The following CPLANE1 variants were observed in gnomAD, a reference collection of about 807,000 sequenced individuals.
The protein encoded by CPLANE1 is ciliogenesis and planar polarity effector 1.
A neutral mutation model predicts 362.5 loss-of-function variants in CPLANE1; 263 were observed. The observed-to-expected ratio is 0.73, with a 90% CI of 0.66 to 0.80. CPLANE1 has a LOEUF of 0.80. Among genes scored for constraint, CPLANE1 ranks in the 30% least tolerant of loss-of-function variants. CPLANE1 has a pLI of 0.00. For missense variants in CPLANE1, 3,461 were observed against 3,793.4 expected, an observed-to-expected ratio of 0.91 and a Z score of 2.30; for synonymous variants, 1,212 against 1,302.6, an observed-to-expected ratio of 0.93 and a Z score of 1.50.
chr5:37,084,206 C>CT, the CPLANE1 span, among the ~76,000 whole-genome samples: 1 of 152,182 alleles, frequency 6.6e-6, no homozygotes, highest in Non-Finnish European at 1.5e-5. Context: ...GAAAGATAGT[C>CT]TTTTCCATAC....
In CPLANE1 at chr5:37,187,488, G is replaced by A. The variant is rs367543061; in HGVS notation, c.4006C>T (p.Arg1336Trp). ...ATAAGTTCTTCCATATTAAAAAACC[G>A]AGAGAAAGGCAGCATTCTATAAGCC... Reference protein sequence around the residue: ...EWAYRMLPFSRFFNMEELIQD... With the variant: ...EWAYRMLPFSWFFNMEELIQD... The change falls in exon 23 of 53, where the codon CGG (arginine) becomes TGG (tryptophan). Residue 1336 changes from arginine (R) to tryptophan (W), a missense_variant. Physicochemically the swap from Arg to Trp is moderately radical, Grantham distance 101 (BLOSUM62 -3). This residue lies in a region of CPLANE1 where 3,380 missense variants were observed against 3,666.1 expected (regional missense o/e 0.92). Transcript: ENST00000651892. 1.9e-5 allele frequency: 31 copies of A among 1,613,324 alleles called. No homozygotes were observed. Among genetic ancestry groups the A allele is most frequent in the East Asian group, 2.2e-5 (1 of 44,856 alleles).
intron 35 of CPLANE1, among the ~76,000 whole-genome samples, chr5:37,166,622 T>G (rs542728336): frequency 6.6e-6 from 1 of 152,216 alleles, no homozygotes; most frequent in Non-Finnish European, 1.5e-5. Flanking sequence ...ATCATTGGCA[T>G]GCATATATAG....
intron 15 of CPLANE1, among the ~76,000 whole-genome samples, chr5:37,215,883 G>A (rs1314080552): frequency 6.6e-6 from 1 of 151,506 alleles, no homozygotes; most frequent in African/African-American, 2.4e-5. Context: ...CCAAGCTAGA[G>A]TGCAGTGGCA....
At chr5:37,094,798 T>C in the CPLANE1 span, among the ~76,000 whole-genome samples, 1 of 152,186 alleles carries the variant, frequency 6.6e-6, no homozygotes, top group Non-Finnish European at 1.5e-5. Flanking sequence ...AAGGCTACTA[T>C]GAACACTTTT....
chr5:37,079,161 C>T, the CPLANE1 span, among the ~76,000 whole-genome samples: 2 of 152,080 alleles, frequency 1.3e-5, no homozygotes, highest in Non-Finnish European at 2.9e-5. Context: ...CCTAGATTTT[C>T]TTCTAGGGAT....
intron 21 of CPLANE1, among the ~76,000 whole-genome samples, chr5:37,194,585 G>A (rs188956281): frequency 5.0e-4 from 76 of 151,972 alleles, no homozygotes; most frequent in Admixed American, 1.2e-3. Context: ...ATGCCGTTTC[G>A]GTTGGAAAAA....
intron 37 of CPLANE1, among the ~76,000 whole-genome samples, chr5:37,163,895 T>C (rs1200053917): frequency 6.6e-6 from 1 of 152,170 alleles, no homozygotes; most frequent in Non-Finnish European, 1.5e-5. Flanking sequence ...AGTGATTTAA[T>C]CAATTATACC....
intron 45 of CPLANE1, among the ~76,000 whole-genome samples, 166 bp downstream of exon 45, chr5:37,139,174 T>C (rs1475938483): frequency 6.6e-6 from 1 of 152,144 alleles, no homozygotes; most frequent in East Asian, 1.9e-4. Context: ...GTAAGAGATA[T>C]AACAATCCTC....
chr5:37,108,213 AAAACAAACAAAC>A lies in CPLANE1; in HGVS notation c.9579+68_9579+79del, dbSNP rs576771478. ...CCACATCCCACAAAAAACAAACTAA[AAAACAAACAAAC>A]AAACAAACAAAAAACCTGAAGAACA... On this transcript the variant is annotated intron_variant, in intron 52 of 52. Coordinates refer to ENST00000651892, the MANE Select transcript of CPLANE1 (RefSeq NM_001384732.1). The A allele has an allele frequency of 1.5e-5, 21 of 1,381,490 alleles. No homozygotes were observed. In the Admixed American group the frequency reaches 3.6e-4, roughly 24 times the overall value. 85.6% of individuals were successfully genotyped at this position (1,381,490 alleles called of 1,614,324 possible). A position where few individuals can be genotyped will look rare whatever the true frequency, so the allele number is the denominator to read the frequency against.
Position 37,170,309 on chromosome 5 carries a change from C to T in CPLANE1, c.6194G>A (p.Ser2065Asn), listed in dbSNP as rs754264613. ...GGATGATCCTACTATTTGCATTAGGCTCATGAAGTTGATCTGTTGCAGCTT... is the reference window on the plus strand; with the variant it reads ...GGATGATCCTACTATTTGCATTAGGTTCATGAAGTTGATCTGTTGCAGCTT... ...LVQLQQINFMSLMQIVGSSFA... is the reference protein window; with the variant it reads ...LVQLQQINFMNLMQIVGSSFA... Residue 2065 changes from serine to asparagine, a missense_variant, in exon 33 of 53, where the codon AGC (serine) becomes AAC (asparagine). Physicochemically the swap from Ser to Asn is conservative, Grantham distance 46 (BLOSUM62 1). Coordinates refer to ENST00000651892, the MANE Select transcript of CPLANE1 (RefSeq NM_001384732.1). The T allele has an allele frequency of 1.2e-6, 2 of 1,612,992 alleles. No homozygotes were observed. Among genetic ancestry groups the T allele is most frequent in the Non-Finnish European group, 1.7e-6 (2 of 1,179,224 alleles).
At chr5:37,085,056 A>T in the CPLANE1 span, 1 of 692,202 alleles carries the variant, frequency 1.4e-6, no homozygotes, top group South Asian at 1.6e-5. Flanking sequence ...TAATGCAGCC[A>T]TGGCTGGTGG....
At position 37,157,323 on chromosome 5, in the gene CPLANE1, C is replaced by A; in HGVS notation, c.8109G>T (p.Gln2703His). 1 of 1,367,560 alleles carries A rather than the reference C, an allele frequency of 7.3e-7. No homozygotes were observed. The highest frequency in any genetic ancestry group is 9.7e-7 in the Non-Finnish European group (1 of 1,031,888). The allele number at this position is 1,367,560 out of a possible 1,614,324, so 84.7% of individuals were successfully genotyped here. A position where few individuals can be genotyped will look rare whatever the true frequency, so the allele number is the denominator to read the frequency against. The part of the protein sequence containing the change: ...SVTSPTPSDI[Q>H]QNKGLPKPEF... The stretch of plus-strand genomic sequence containing the variant: ...CTCTTGGCTGTTTACCTTTGTTCTG[C>A]TGTATGTCTGATGGTGTAGGTGAGG... Residue 2703 changes from glutamine to histidine, a missense_variant, in exon 41 of 53, where the codon CAG becomes CAT. Around this residue, in one of 2 missense-constraint regions of CPLANE1, gnomAD observed 3,380 missense variants for 3,666.1 expected, o/e 0.92. Coordinates refer to ENST00000651892, the MANE Select transcript of CPLANE1 (RefSeq NM_001384732.1).
rs1797614510 is a variant in CPLANE1, at chr5:37,231,012, T to A, written c.976A>T (p.Ser326Cys). 2 of 1,549,324 alleles carry A rather than the reference T, an allele frequency of 1.3e-6. No individual in the cohort carries two copies. Among genetic ancestry groups the A allele is most frequent in the South Asian group, 2.4e-5 (2 of 83,478 alleles). The change falls in exon 9 of 53, where the codon AGT (serine) becomes TGT (cysteine). Residue 326 changes from serine to cysteine, a missense_variant. Ser to Cys is a moderately radical substitution (Grantham distance 112, BLOSUM62 -1). Coordinates refer to ENST00000651892, the MANE Select transcript of CPLANE1 (RefSeq NM_001384732.1). ...TTTAACATACAAGCCAGAAAAAGAC[T>A]ATCATGCGTCCAGCTGATATCACCT... ...WVGDISWTHD[S>C]LFLACMLKRG... is the part of the protein sequence containing the mutation.
In CPLANE1 at chr5:37,144,887, A is replaced by G. The variant is rs1346526228; in HGVS notation, c.8462-2407T>C. 3.9e-5 allele frequency among the ~76,000 whole-genome samples: 6 copies of G among 152,168 alleles called. No homozygotes were observed. In the East Asian group the frequency reaches 5.8e-4, roughly 15 times the overall value. On this transcript the variant is annotated intron_variant, in intron 43 of 52. Transcript: ENST00000651892. ...AAAAAAATTAGAAATTTTAAAATGA[A>G]GTAATTGTTGGCAAAGAAAATGCCA... is the stretch of plus-strand genomic sequence containing the variant.
At chr5:37,084,086 A>G in the CPLANE1 span, among the ~76,000 whole-genome samples, 1 of 152,240 alleles carries the variant, frequency 6.6e-6, no homozygotes, top group Non-Finnish European at 1.5e-5. Context: ...GATTTCTCAG[A>G]AGAAATCCTG....
chr5:37,120,419 A>C, intron 49 of CPLANE1, 79 bp from the exon 50 acceptor site: 1 of 1,302,810 alleles, frequency 7.7e-7, no homozygotes. Context: ...AAAAGCCCAA[A>C]TTAAGCTGGG....
At chr5:37,168,294 A>G (rs1356416290) in intron 34 of CPLANE1, among the ~76,000 whole-genome samples, 1 of 152,224 alleles carries the variant, frequency 6.6e-6, no homozygotes, top group Non-Finnish European at 1.5e-5. Context: ...TAGGAACCTC[A>G]AACAATATGT....
At position 37,244,361 on chromosome 5, in the gene CPLANE1, G is replaced by T; in HGVS notation, c.570+14C>A. The T allele has an allele frequency of 6.5e-7, 1 of 1,529,082 alleles. No homozygotes were observed. Among genetic ancestry groups the T allele is most frequent in the South Asian group, 1.2e-5 (1 of 82,580 alleles). 94.7% of individuals were successfully genotyped at this position (1,529,082 alleles called of 1,614,324 possible). A position where few individuals can be genotyped will look rare whatever the true frequency, so the allele number is the denominator to read the frequency against. On this transcript the variant is annotated intron_variant, in intron 5 of 52. Coordinates refer to ENST00000651892, the MANE Select transcript of CPLANE1 (RefSeq NM_001384732.1). Reference sequence around the variant, plus strand: ...TAATCTGCTTCACAGATAAGAGTCTGAGACTGATTTTACCTCATTTTTTAT... The same window carrying T: ...TAATCTGCTTCACAGATAAGAGTCTTAGACTGATTTTACCTCATTTTTTAT...
chr5:37,110,933 G>A (rs1217484927), intron 51 of CPLANE1, among the ~76,000 whole-genome samples: 1 of 145,390 alleles, frequency 6.9e-6, no homozygotes, highest in African/African-American at 2.6e-5. Flanking sequence ...TCAGCCTCCC[G>A]AGTAGCTGGG....
Sources: allele counts gnomAD v4.1 joint callset (sites outside exome capture counted in the v4.1 genomes callset), GRCh38; gene constraint gnomAD v4.1.1; regional missense constraint gnomAD v4.1.1; transcripts MANE v1.5; gene names NCBI Gene and HGNC (gene_info 2026-07-23, HGNC 2026-07-21).